HVCN1: variants seen among roughly 807,000 people sequenced by gnomAD.
The protein encoded by HVCN1 is voltage-gated hydrogen channel 1.
HVCN1 carries 14 observed loss-of-function variants against 29.2 expected under a neutral mutation model. The observed-to-expected ratio is 0.48, with a 90% confidence interval of 0.32 to 0.75. The LOEUF (loss-of-function observed/expected upper bound fraction) is 0.75, where lower values mean the gene tolerates loss of function less well. Among genes scored for constraint, HVCN1 ranks in the 30% least tolerant of loss-of-function variants. The pLI, the probability that HVCN1 is intolerant of heterozygous loss-of-function variation, is 0.04. For missense variants in HVCN1, 263 were observed against 341.8 expected (o/e 0.77, Z 1.82); for synonymous variants, 131 against 133.2 (o/e 0.98, Z 0.11).
At chr12:110,693,125 G>A (rs184293313), upstream of HVCN1, among the ~76,000 whole-genome samples, 16 of 149,968 alleles carry the variant, frequency 1.1e-4, no homozygotes, top group African/African-American at 3.4e-4. Context: ...GCAATCCTCC[G>A]GCCTCAGCCT....
At chr12:110,690,732 C>T (rs953376350), upstream of HVCN1, among the ~76,000 whole-genome samples, 1 of 152,036 alleles carries the variant, frequency 6.6e-6, no homozygotes, top group African/African-American at 2.4e-5. Context: ...CCTGCCTTGG[C>T]CTCCGAAGGT....
At chr12:110,655,418 G>A in intron 4 of HVCN1, 80 bp from the exon 5 acceptor site, 1 of 1,100,648 alleles carries the variant, frequency 9.1e-7, no homozygotes. Flanking sequence ...AGCTGGCTTG[G>A]AAGCACGTGG....
At chr12:110,692,113 T>C (rs2069416730), upstream of HVCN1, among the ~76,000 whole-genome samples, 1 of 152,230 alleles carries the variant, frequency 6.6e-6, no homozygotes, top group Non-Finnish European at 1.5e-5. Context: ...TTTACATTCC[T>C]ATTGCATAAA....
chr12:110,698,245 C>T (rs2069522698), intron 2 of HVCN1, among the ~76,000 whole-genome samples: 1 of 152,212 alleles, frequency 6.6e-6, no homozygotes, highest in Non-Finnish European at 1.5e-5. Context: ...AGCGATCCTC[C>T]CGTCTTGGCC....
chr12:110,704,943 A>G (rs1431245255), exon 1 of HVCN1: 3 of 152,238 alleles, frequency 2.0e-5, no homozygotes, highest in Non-Finnish European at 4.4e-5. Context: ...GCAGGCTGGG[A>G]AAGAAGCTTG....
chr12:110,683,390 G>A (rs1183300738), intron 2 of HVCN1, 126 bp from the exon 3 acceptor site: 3 of 1,154,556 alleles, frequency 2.6e-6, no homozygotes, highest in African/African-American at 1.6e-5. Context: ...CCCGAAATTA[G>A]TGTAAAGTAC....
Position 110,649,194 on chromosome 12 carries a change from C to T in HVCN1, c.*216G>A, listed in dbSNP as rs1416364873. ...GTGTTCAACATGAGAAAATGTGATA[C>T]ATTTGATACAGTGTGGGGTGGGAGT... On this transcript the variant is annotated 3_prime_UTR_variant, in exon 8 of 8. Transcript: ENST00000242607. 1 of 683,302 alleles carries T rather than the reference C, an allele frequency of 1.5e-6. No homozygotes were observed. The highest frequency in any genetic ancestry group is 2.7e-5 in the East Asian group (1 of 37,018). 42.3% of individuals were successfully genotyped at this position (683,302 alleles called of 1,614,324 possible).
At position 110,661,866 on chromosome 12, in the gene HVCN1, T is replaced by C. The variant is rs1182582575; in HGVS notation, c.22-418A>G. On this transcript the variant is annotated intron_variant, in intron 3 of 7. Transcript: ENST00000242607. This position sits in a 1 kb window ranked among gnomAD's most constrained non-coding sequence, Gnocchi z 6.2. ...AAAAGTAAAAGTACCCAGAGTTTCA[T>C]AGAAAAGTCACGAGATCCCCACCCA... Among the ~76,000 whole-genome samples, 1 of 151,734 alleles carries C rather than the reference T, an allele frequency of 6.6e-6. No homozygotes were observed. Among genetic ancestry groups the C allele is most frequent in the Non-Finnish European group, 1.5e-5 (1 of 67,908 alleles).
upstream of HVCN1, chr12:110,689,156 G>T (rs1462415996): frequency 1.7e-5 from 1 of 57,214 alleles, no homozygotes; most frequent in Admixed American, 2.1e-4. This position sits in a 1 kb window ranked among gnomAD's most constrained non-coding sequence, Gnocchi z 5.7. Flanking sequence ...GTCCCGCCCC[G>T]TACCGTACCA....
intron 5 of HVCN1, among the ~76,000 whole-genome samples, chr12:110,653,355 G>A (rs2067876890): frequency 6.6e-6 from 1 of 152,038 alleles, no homozygotes; most frequent in African/African-American, 2.4e-5. Flanking sequence ...AGCTACTCAG[G>A]AGGCTGAGGC....
chr12:110,651,717 T>G (rs765995808), intron 5 of HVCN1, among the ~76,000 whole-genome samples: 2 of 152,248 alleles, frequency 1.3e-5, no homozygotes, highest in East Asian at 3.8e-4. Flanking sequence ...AGCTCCTGTG[T>G]GCACAGGGAC....
rs907493076 is a variant in HVCN1 at position 110,658,707 on chromosome 12, A to G, written c.306+2457T>C. ...GAGGGCTTCTCTCCATTTGTAACCA[A>G]TGTGTGTCTCAGTGATGGCTCCCGT... is the stretch of plus-strand genomic sequence containing the variant. On this transcript the variant is annotated intron_variant, in intron 4 of 7. Coordinates refer to ENST00000242607, the MANE Select transcript of HVCN1 (RefSeq NM_032369.4). The surrounding 1 kb of genome is among the most constrained non-coding windows in gnomAD (Gnocchi z 5.0). 7.2e-5 allele frequency among the ~76,000 whole-genome samples: 11 copies of G among 151,760 alleles called. No individual in the cohort carries two copies. Among genetic ancestry groups the G allele is most frequent in the Admixed American group, 4.6e-4 (7 of 15,248 alleles).
intron 3 of HVCN1, among the ~76,000 whole-genome samples, chr12:110,665,212 C>T (rs2068303317): frequency 6.6e-6 from 1 of 151,976 alleles, no homozygotes; most frequent in Non-Finnish European, 1.5e-5. Flanking sequence ...AATTACTAGA[C>T]ACATAAAGCT....
intron 2 of HVCN1, among the ~76,000 whole-genome samples, chr12:110,698,208 C>T (rs565939060): frequency 3.9e-5 from 6 of 152,104 alleles, no homozygotes; most frequent in Non-Finnish European, 8.8e-5. Flanking sequence ...CTATGTTGCC[C>T]AGGCTGGTCT....
chr12:110,702,129 T>A (rs1487586095), intron 2 of HVCN1, among the ~76,000 whole-genome samples: 1 of 151,538 alleles, frequency 6.6e-6, no homozygotes, highest in Non-Finnish European at 1.5e-5. Flanking sequence ...CACACATATA[T>A]GCTTGTAAAT....
intron 2 of HVCN1, among the ~76,000 whole-genome samples, chr12:110,685,436 A>C (rs564444333): frequency 6.6e-6 from 1 of 152,240 alleles, no homozygotes; most frequent in Admixed American, 6.5e-5. Flanking sequence ...TAGCATAATA[A>C]ATGTGTGTTA....
rs140550678 is a variant in HVCN1, at chr12:110,650,231, T to C, written c.693A>G (p.Leu231=). The C allele has an allele frequency of 1.2e-6, 2 of 1,613,634 alleles. No individual in the cohort carries two copies. Among genetic ancestry groups the C allele is most frequent in the Non-Finnish European group, 1.7e-6 (2 of 1,179,574 alleles). ...KTRSERQLLR[L]KQMNVQLAAK... Reference sequence around the variant, plus strand: ...CGGCCAATTGTACATTCATCTGTTTTAACCTTAAGAGTTGCCGTTCTGAAC... The same window carrying C: ...CGGCCAATTGTACATTCATCTGTTTCAACCTTAAGAGTTGCCGTTCTGAAC... The change falls in exon 7 of 8, where the codon TTA becomes TTG. Residue 231 remains leucine (L), a synonymous_variant. Transcript: ENST00000242607.
intron 3 of HVCN1, among the ~76,000 whole-genome samples, chr12:110,672,441 C>T (rs2068611151): frequency 6.6e-6 from 1 of 152,220 alleles, no homozygotes; most frequent in South Asian, 2.1e-4. Context: ...GAGCACCACA[C>T]CACTGTGTGG....
At chr12:110,656,779 G>A (rs1276884213) in intron 4 of HVCN1, among the ~76,000 whole-genome samples, 1 of 152,216 alleles carries the variant, frequency 6.6e-6, no homozygotes. Flanking sequence ...GTATTATGAT[G>A]TGGTTTCTTG....
Sources: allele counts gnomAD v4.1 joint callset (sites outside exome capture counted in the v4.1 genomes callset), GRCh38; gene constraint gnomAD v4.1.1; non-coding constraint Gnocchi (gnomAD v3.1); transcripts MANE v1.5; gene names NCBI Gene and HGNC (gene_info 2026-07-23, HGNC 2026-07-21).